PTP4A3: variants seen among roughly 807,000 people sequenced by gnomAD.
PTP4A3 encodes the protein protein tyrosine phosphatase type IVA 3.
A neutral mutation model predicts 15.2 loss-of-function variants in PTP4A3; 9 were observed. That is an observed-to-expected ratio of 0.59 (90% CI 0.36 to 1.03). The LOEUF (loss-of-function observed/expected upper bound fraction) is 1.03. PTP4A3 is among the 50% of genes least tolerant of loss of function. The probability of loss-of-function intolerance (pLI) is 0.02; values close to 1 mark genes in which losing one functional copy is unlikely to be tolerated. For missense variants in PTP4A3, 234 were observed against 252.1 expected (o/e 0.93, Z 0.49); for synonymous variants, 95 against 102.0 (o/e 0.93, Z 0.41).
rs1379169582 is a variant in PTP4A3 at position 141,422,137 on chromosome 8, ATCTCGT to A, written c.-99_-94del. The A allele has an allele frequency of 9.5e-7, 1 of 1,056,716 alleles. No homozygotes were observed. Among genetic ancestry groups the A allele is most frequent in the Non-Finnish European group, 1.4e-6 (1 of 694,378 alleles). 65.5% of individuals were successfully genotyped at this position (1,056,716 alleles called of 1,614,324 possible). A position where few individuals can be genotyped will look rare whatever the true frequency, so the allele number is the denominator to read the frequency against. The stretch of plus-strand genomic sequence containing the variant: ...TCGTTTCTCTTGGACAAGCACAGGG[ATCTCGT>A]TCTCCTCATTTTTTGGGGGTGTGTG... On this transcript the variant is annotated 5_prime_UTR_variant, in exon 2 of 6. Coordinates refer to ENST00000521578, the MANE Select transcript of PTP4A3 (RefSeq NM_032611.3).
In PTP4A3 at chr8:141,397,141, C is replaced by T. The variant is rs115676504; in HGVS notation, c.-854+5057C>T. Among the ~76,000 whole-genome samples the T allele has an allele frequency of 4.5e-3, 689 of 152,308 alleles. 4 individuals are homozygous for T. Among genetic ancestry groups the T allele is most frequent in the African/African-American group, 0.016 (645 of 41,572 alleles). ...TCAGGGCCAGAGCGGCTCCTGGAGC[C>T]GGAGTGAGAGCTGTGTTACACGCAG... On this transcript the variant is annotated intron_variant, in intron 1 of 5. Transcript: ENST00000521578.
intron 4 of PTP4A3, 57 bp downstream of exon 4, chr8:141,427,126 C>CT: frequency 1.3e-6 from 2 of 1,571,872 alleles, no homozygotes. Context: ...ATCTCGTGGT[C>CT]TGACAGCCTC....
chr8:141,399,072 C>T (rs1055664318), intron 1 of PTP4A3, among the ~76,000 whole-genome samples: 3 of 151,666 alleles, frequency 2.0e-5, no homozygotes, highest in African/African-American at 7.3e-5. Context: ...CGGGAGGGCT[C>T]GGAGGATTCC....
At chr8:141,426,526 G>GGCTGAGACCAGCACA in intron 3 of PTP4A3, 1 of 985,424 alleles carries the variant, frequency 1.0e-6, no homozygotes, top group South Asian at 4.7e-5. Context: ...TGCCAGCACA[G>GGCTGAGACCAGCACA]GGGATGAGAC....
At chr8:141,416,616 C>A (rs1228674394) in intron 1 of PTP4A3, among the ~76,000 whole-genome samples, 1 of 151,998 alleles carries the variant, frequency 6.6e-6, no homozygotes, top group East Asian at 1.9e-4. Context: ...TGGGTGGGTG[C>A]CCTTGCCAGG....
intron 2 of PTP4A3, among the ~76,000 whole-genome samples, chr8:141,423,160 G>T (rs1256348451): frequency 1.3e-5 from 2 of 152,222 alleles, no homozygotes; most frequent in Non-Finnish European, 2.9e-5. Context: ...TTGTCATAAT[G>T]AAACAGATTT....
intron 1 of PTP4A3, among the ~76,000 whole-genome samples, chr8:141,407,194 C>T (rs78607256): frequency 6.6e-6 from 1 of 152,364 alleles, no homozygotes; most frequent in Non-Finnish European, 1.5e-5. Context: ...AGTCCACATG[C>T]TGGCCTGGAC....
At position 141,406,272 on chromosome 8, in the gene PTP4A3, TC is replaced by T. The variant is rs1832719616; in HGVS notation, c.-854+14190del. 6.6e-6 allele frequency among the ~76,000 whole-genome samples: 1 copy of T among 152,118 alleles called. No homozygotes were observed. On this transcript the variant is annotated intron_variant, in intron 1 of 5. Transcript: ENST00000521578. This position sits in a 1 kb window ranked among gnomAD's most constrained non-coding sequence, Gnocchi z 4.5. ...GCTGCTTCCTGCCCCATCTGGGGAT[TC>T]CGGGGACTTTCCATTTCCTCACCTT...
At chr8:141,416,048 G>A (rs1833039410) in intron 1 of PTP4A3, among the ~76,000 whole-genome samples, 1 of 152,118 alleles carries the variant, frequency 6.6e-6, no homozygotes, top group Admixed American at 6.5e-5. Flanking sequence ...GTGCCTCCCA[G>A]GCCCGGCCAG....
In PTP4A3 at chr8:141,422,108, A is replaced by G; in HGVS notation, c.-133A>G. The G allele has an allele frequency of 1.2e-6, 1 of 850,240 alleles. No individual in the cohort carries two copies. Among genetic ancestry groups the G allele is most frequent in the Non-Finnish European group, 1.9e-6 (1 of 538,434 alleles). 52.7% of individuals were successfully genotyped at this position (850,240 alleles called of 1,614,324 possible). A position where few individuals can be genotyped will look rare whatever the true frequency, so the allele number is the denominator to read the frequency against. Reference sequence around the variant, plus strand: ...TGCGGGGTATGGGGGTGGGTTTTTAAATCTCGTTTCTCTTGGACAAGCACA... The same window carrying G: ...TGCGGGGTATGGGGGTGGGTTTTTAGATCTCGTTTCTCTTGGACAAGCACA... On this transcript the variant is annotated 5_prime_UTR_variant, in exon 2 of 6. An upstream open reading frame in the 5' UTR loses its in-frame stop. Coordinates refer to ENST00000521578, the MANE Select transcript of PTP4A3 (RefSeq NM_032611.3).
intron 1 of PTP4A3, among the ~76,000 whole-genome samples, chr8:141,417,108 A>G (rs1254133479): frequency 6.6e-6 from 1 of 152,154 alleles, no homozygotes; most frequent in Non-Finnish European, 1.5e-5. Flanking sequence ...CCCAGGAGGC[A>G]GAGCCAGGAG....
At chr8:141,403,317 T>A (rs1832643559) in intron 1 of PTP4A3, among the ~76,000 whole-genome samples, 1 of 152,150 alleles carries the variant, frequency 6.6e-6, no homozygotes, top group Non-Finnish European at 1.5e-5. Flanking sequence ...CTGATGCTGC[T>A]GAGATGGGAG....
chr8:141,396,535 C>T (rs1832455579), intron 1 of PTP4A3, among the ~76,000 whole-genome samples: 1 of 152,180 alleles, frequency 6.6e-6, no homozygotes, highest in South Asian at 2.1e-4. Flanking sequence ...CCCTGGAGCA[C>T]CTACTGTGTG....
intron 1 of PTP4A3, among the ~76,000 whole-genome samples, chr8:141,415,882 T>G (rs1012520372): frequency 1.3e-5 from 2 of 151,190 alleles, no homozygotes; most frequent in Non-Finnish European, 3.0e-5. Context: ...GGCGTCCTAG[T>G]GCATCAAGCG....
At chr8:141,402,447 G>A (rs1315810803) in intron 1 of PTP4A3, among the ~76,000 whole-genome samples, 2 of 152,194 alleles carry the variant, frequency 1.3e-5, no homozygotes, top group African/African-American at 4.8e-5. Flanking sequence ...CCACTGACAG[G>A]CCTGAGTGTA....
intron 1 of PTP4A3, among the ~76,000 whole-genome samples, chr8:141,418,868 C>A (rs946295237): frequency 1.3e-5 from 2 of 152,092 alleles, no homozygotes; most frequent in South Asian, 4.1e-4. Context: ...TCACTGGGGG[C>A]GTGTGGTTAT....
At position 141,426,949 on chromosome 8, in the gene PTP4A3, T is replaced by G; in HGVS notation, c.209T>G (p.Phe70Cys). 1 of 1,611,208 alleles carries G rather than the reference T, an allele frequency of 6.2e-7. No individual in the cohort carries two copies. The highest frequency in any genetic ancestry group is 8.5e-7 in the Non-Finnish European group (1 of 1,179,826). The change falls in exon 4 of 6, where the codon TTT becomes TGT. Residue 70 changes from phenylalanine (F) to cysteine (C), a missense_variant. By Grantham distance (205) the Phe-to-Cys change is radical. Coordinates refer to ENST00000521578, the MANE Select transcript of PTP4A3 (RefSeq NM_032611.3). ...KDGITVVDWP[F>C]DDGAPPPGKV... ...TGCTTCCCTCCGTAGGACTGGCCGT[T>G]TGACGATGGGGCGCCCCCGCCCGGC...
At chr8:141,405,194 G>T (rs1832692364) in intron 1 of PTP4A3, among the ~76,000 whole-genome samples, 1 of 152,232 alleles carries the variant, frequency 6.6e-6, no homozygotes, top group African/African-American at 2.4e-5. Context: ...CCTGGTGAGG[G>T]AGCAGCGAGG....
At position 141,428,734 on chromosome 8, in the gene PTP4A3, C is replaced by T. The variant is rs537679661; in HGVS notation, c.404+910C>T. 1.4e-3 allele frequency among the ~76,000 whole-genome samples: 212 copies of T among 152,324 alleles called. 2 individuals are homozygous for T. The highest frequency in any genetic ancestry group is 4.9e-3 in the African/African-American group (204 of 41,576). The stretch of plus-strand genomic sequence containing the variant: ...GGATGTGCACGCTCACACACAGACA[C>T]GCATGGGGGTCATACAGGCACACAT... On this transcript the variant is annotated intron_variant, in intron 5 of 5. Coordinates refer to ENST00000521578, the MANE Select transcript of PTP4A3 (RefSeq NM_032611.3).
Sources: allele counts gnomAD v4.1 joint callset (sites outside exome capture counted in the v4.1 genomes callset), GRCh38; gene constraint gnomAD v4.1.1; non-coding constraint Gnocchi (gnomAD v3.1); transcripts MANE v1.5; gene names NCBI Gene and HGNC (gene_info 2026-07-23, HGNC 2026-07-21).